Variants in DCLK2 observed in about 807,000 individuals in gnomAD.
The protein encoded by DCLK2 is serine/threonine-protein kinase DCLK2.
In DCLK2, 31 loss-of-function variants were observed where a neutral mutation model predicts 78.4. The ratio of observed to expected loss-of-function variants is 0.40; its 90% CI spans 0.30 to 0.53. The LOEUF is 0.53. Ranked by LOEUF, DCLK2 falls within the 20% of genes least tolerant of loss-of-function variation. The pLI, the probability that DCLK2 is intolerant of heterozygous loss-of-function variation, is 0.61. For synonymous variants in DCLK2, 407 were observed against 374.9 expected (o/e 1.09, Z -0.99); for missense variants, 872 against 973.7 (o/e 0.90, Z 1.39).
At chr4:150,201,601 G>A (rs532772169) in intron 4 of DCLK2, among the ~76,000 whole-genome samples, 2 of 152,168 alleles carry the variant, frequency 1.3e-5, no homozygotes, top group South Asian at 4.1e-4. Flanking sequence ...CTAGGCCTGG[G>A]CAGGGGATGT....
intron 2 of DCLK2, among the ~76,000 whole-genome samples, chr4:150,103,423 G>C (rs4339189): frequency 0.14 from 21,970 of 152,174 alleles, 1,976 homozygotes; most frequent in Non-Finnish European, 0.21. Flanking sequence ...GACAAAAAAA[G>C]TTGGCATATT....
intron 2 of DCLK2, among the ~76,000 whole-genome samples, chr4:150,162,525 TAATA>T (rs1391650406): frequency 6.6e-6 from 1 of 152,218 alleles, no homozygotes; most frequent in African/African-American, 2.4e-5. Context: ...TTAGTTAACC[TAATA>T]AATATCTAGA....
At chr4:150,154,403 G>A (rs1280962312) in intron 2 of DCLK2, among the ~76,000 whole-genome samples, 1 of 152,198 alleles carries the variant, frequency 6.6e-6, no homozygotes, top group Non-Finnish European at 1.5e-5. Context: ...ATTGGAACCT[G>A]TTCTCTTAAG....
intron 2 of DCLK2, among the ~76,000 whole-genome samples, chr4:150,166,934 C>T (rs1475279525): frequency 3.3e-5 from 5 of 152,016 alleles, no homozygotes; most frequent in South Asian, 2.1e-4. Flanking sequence ...AAGTGGTGGG[C>T]GGGACACTGC....
chr4:150,151,723 G>A (rs942622885), intron 2 of DCLK2, among the ~76,000 whole-genome samples: 3 of 152,058 alleles, frequency 2.0e-5, no homozygotes, highest in Non-Finnish European at 1.5e-5. Context: ...TCAGGAGTTC[G>A]AGGCCAGCCT....
intron 15 of DCLK2, chr4:150,253,755 C>T (rs995071940): frequency 3.0e-6 from 3 of 985,362 alleles, no homozygotes; most frequent in Non-Finnish European, 2.4e-6. Flanking sequence ...GCTTACCACA[C>T]TGCCTGCCTT....
At position 150,232,419 on chromosome 4, in the gene DCLK2, C is replaced by G; in HGVS notation, c.1382C>G (p.Thr461Arg). 2 of 1,614,112 alleles carry G rather than the reference C, an allele frequency of 1.2e-6. No homozygotes were observed. Among genetic ancestry groups the G allele is most frequent in the Non-Finnish European group, 1.7e-6 (2 of 1,179,984 alleles). ...ATTATGCTGGTCGAGGAGATGGAAA[C>G]AGCAACTGAGCTCTTTCTGGTGATG... is the stretch of plus-strand genomic sequence containing the variant. ...NIIMLVEEME[T>R]ATELFLVMEL... is the part of the protein sequence containing the mutation. The change falls in exon 9 of 16, where the codon ACA (threonine) becomes AGA (arginine). Residue 461 changes from threonine (T) to arginine (R), a missense_variant. By Grantham distance (71) the Thr-to-Arg change is moderately conservative (BLOSUM62 -1). This residue lies in a region of DCLK2 where 567 missense variants were observed against 593.4 expected (regional missense o/e 0.96). Coordinates refer to ENST00000296550, the MANE Select transcript of DCLK2 (RefSeq NM_001040260.4).
chr4:150,202,576 A>AT (rs1180753061), intron 4 of DCLK2, among the ~76,000 whole-genome samples: 1 of 152,114 alleles, frequency 6.6e-6, no homozygotes, highest in Non-Finnish European at 1.5e-5. Context: ...ACTGGTACTC[A>AT]TTTTTTTGAG....
chr4:150,229,714 G>A (rs1191002187), intron 8 of DCLK2, among the ~76,000 whole-genome samples: 1 of 152,124 alleles, frequency 6.6e-6, no homozygotes, highest in Non-Finnish European at 1.5e-5. Context: ...CAAGTTAGCA[G>A]TTTTGTCATT....
chr4:150,234,463 A>G (rs1476095595), intron 10 of DCLK2, among the ~76,000 whole-genome samples: 1 of 152,242 alleles, frequency 6.6e-6, no homozygotes, highest in African/African-American at 2.4e-5. Flanking sequence ...CTCAGCTAGC[A>G]GCTGGTGCTA....
At chr4:150,142,326 A>G in intron 2 of DCLK2, among the ~76,000 whole-genome samples, 1 of 152,194 alleles carries the variant, frequency 6.6e-6, no homozygotes, top group Admixed American at 6.5e-5. Context: ...ATGATTGGGT[A>G]ATTTGAGATG....
At chr4:150,201,162 G>A (rs553003094) in intron 4 of DCLK2, among the ~76,000 whole-genome samples, 1 of 152,176 alleles carries the variant, frequency 6.6e-6, no homozygotes, top group South Asian at 2.1e-4. Context: ...AGTCTGCCAA[G>A]GTAGAAAGTA....
intron 3 of DCLK2, among the ~76,000 whole-genome samples, chr4:150,195,370 A>T (rs1296053800): frequency 5.3e-4 from 1 of 1,894 alleles, no homozygotes; most frequent in African/African-American, 1.5e-3. Context: ...TATATTATAT[A>T]ATATTATATA....
chr4:150,245,657 G>C (rs1171336957), intron 12 of DCLK2, among the ~76,000 whole-genome samples: 1 of 152,110 alleles, frequency 6.6e-6, no homozygotes, highest in Non-Finnish European at 1.5e-5. Flanking sequence ...TGAGAATGAT[G>C]GTTTCCAGCT....
rs774537543 is a variant in DCLK2, at chr4:150,249,583, G to A, written c.1972G>A (p.Glu658Lys). The change falls in exon 15 of 16, where the codon GAG becomes AAG. Residue 658 changes from glutamate (E) to lysine (K), a missense_variant. Glu to Lys is a moderately conservative substitution (Grantham distance 56). This residue lies in a region of DCLK2 where 219 missense variants were observed against 230.1 expected (regional missense o/e 0.95). Coordinates refer to ENST00000296550, the MANE Select transcript of DCLK2 (RefSeq NM_001040260.4). ...TTTCCTGTAGGATGATGCCTCCCAGGAGAATAACATGCAAGCTGAGGTGAC... is the reference window on the plus strand; with the variant it reads ...TTTCCTGTAGGATGATGCCTCCCAGAAGAATAACATGCAAGCTGAGGTGAC... ...HPWVSDDASQ[E>K]NNMQAEVTGK... 6.2e-7 allele frequency: 1 copy of A among 1,613,512 alleles called. No individual in the cohort carries two copies. The highest frequency in any genetic ancestry group is 2.2e-5 in the East Asian group (1 of 44,872).
At chr4:150,097,069 C>G (rs1215162277) in intron 1 of DCLK2, among the ~76,000 whole-genome samples, 3 of 151,860 alleles carry the variant, frequency 2.0e-5, no homozygotes, top group Non-Finnish European at 4.4e-5. Flanking sequence ...GAGGAGAGCA[C>G]TCTGTCACTG....
At chr4:150,208,210 T>C (rs1739992960) in intron 5 of DCLK2, among the ~76,000 whole-genome samples, 1 of 152,094 alleles carries the variant, frequency 6.6e-6, no homozygotes, top group Admixed American at 6.5e-5. Context: ...GCAGAGGATT[T>C]TGTAGAACAA....
Position 150,240,395 on chromosome 4 carries a change from C to G in DCLK2, c.1701-4C>G, listed in dbSNP as rs1296714552. The G allele has an allele frequency of 6.2e-7, 1 of 1,613,534 alleles. No individual in the cohort carries two copies. Among genetic ancestry groups the G allele is most frequent in the Non-Finnish European group, 8.5e-7 (1 of 1,179,744 alleles). On this transcript the variant is annotated splice_polypyrimidine_tract_variant and splice_region_variant and intron_variant, in intron 11 of 15. Coordinates refer to ENST00000296550, the MANE Select transcript of DCLK2 (RefSeq NM_001040260.4). ...TCTCCCCCTCACCCACTTTGTTTTC[C>G]TAGCTATGGCCTGAAGGTGGACATT...
At chr4:150,138,420 C>A (rs542016830) in intron 2 of DCLK2, among the ~76,000 whole-genome samples, 152 of 152,208 alleles carry the variant, frequency 1.0e-3, no homozygotes, top group South Asian at 1.5e-3. Context: ...ACCAGCCTGG[C>A]CAACATGGTG....
Sources: allele counts gnomAD v4.1 joint callset (sites outside exome capture counted in the v4.1 genomes callset), GRCh38; gene constraint gnomAD v4.1.1; regional missense constraint gnomAD v4.1.1; transcripts MANE v1.5; gene names NCBI Gene and HGNC (gene_info 2026-07-23, HGNC 2026-07-21).